Variants in PIK3AP1 observed in about 807,000 individuals in gnomAD.
PIK3AP1 encodes phosphoinositide 3-kinase adapter protein 1.
In PIK3AP1, 21 loss-of-function variants were observed where a neutral mutation model predicts 88.1. That is an observed-to-expected ratio of 0.24 (90% CI 0.17 to 0.34). The LOEUF is 0.34. PIK3AP1 is among the 10% of genes least tolerant of loss of function. The pLI is 1.00. For synonymous variants in PIK3AP1, 398 were observed against 400.0 expected, an observed-to-expected ratio of 1.00 and a Z score of 0.06; for missense variants, 828 against 1,035.7, an observed-to-expected ratio of 0.80 and a Z score of 2.75.
intron 13 of PIK3AP1, 96 bp from the exon 14 acceptor site, chr10:96,609,963 A>G: frequency 1.4e-6 from 2 of 1,443,842 alleles, no homozygotes; most frequent in Non-Finnish European, 9.6e-7. Context: ...CTCTCACAGG[A>G]GCCTGCATGG....
chr10:96,678,824 T>C (rs1843960362), intron 2 of PIK3AP1, among the ~76,000 whole-genome samples: 1 of 152,194 alleles, frequency 6.6e-6, no homozygotes. Flanking sequence ...AGTCACAATA[T>C]AGTTTATTTC....
intron 2 of PIK3AP1, among the ~76,000 whole-genome samples, chr10:96,684,317 T>C (rs1290156854): frequency 6.6e-6 from 1 of 152,200 alleles, no homozygotes; most frequent in Non-Finnish European, 1.5e-5. Flanking sequence ...TTAAGTGTGA[T>C]AATATATACA....
chr10:96,709,452 T>C, intron 2 of PIK3AP1, 115 bp downstream of exon 2: 1 of 1,293,982 alleles, frequency 7.7e-7, no homozygotes, highest in Non-Finnish European at 1.1e-6. Flanking sequence ...CCCATAAATA[T>C]GACCAGGTCT....
intron 2 of PIK3AP1, among the ~76,000 whole-genome samples, chr10:96,687,465 T>A (rs1844089548): frequency 6.6e-6 from 1 of 152,200 alleles, no homozygotes; most frequent in South Asian, 2.1e-4. Context: ...CTGCAGTGAT[T>A]TTGGGTTGTG....
chr10:96,697,341 AACTTGAAGTGT>A (rs1208668693), intron 2 of PIK3AP1, among the ~76,000 whole-genome samples: 57 of 152,308 alleles, frequency 3.7e-4, no homozygotes, highest in African/African-American at 1.3e-3. Flanking sequence ...ACGCGAACTT[AACTTGAAGTGT>A]ACCCTACTTG....
intron 16 of PIK3AP1, among the ~76,000 whole-genome samples, chr10:96,597,655 G>A (rs990965616): frequency 8.5e-5 from 13 of 152,152 alleles, no homozygotes; most frequent in African/African-American, 3.1e-4. Flanking sequence ...GCCAAACAGA[G>A]GTACTGATCC....
intron 15 of PIK3AP1, 103 bp from the exon 16 acceptor site, chr10:96,602,501 G>A: frequency 1.0e-6 from 1 of 966,186 alleles, no homozygotes; most frequent in Admixed American, 2.2e-5. Flanking sequence ...TTAGGCTGGG[G>A]CTGAAGGTTG....
rs765121561 is a variant in PIK3AP1, at chr10:96,609,696, A to C, written c.2170+16T>G. The C allele has an allele frequency of 1.2e-6, 2 of 1,609,112 alleles. No individual in the cohort carries two copies. ...CCAGTCAAGAAGACCCCACCCCCGC[A>C]CCCCCAGCTGCTCACTTGCTGTGCT... is the stretch of plus-strand genomic sequence containing the variant. On this transcript the variant is annotated intron_variant, in intron 14 of 16. Transcript: ENST00000339364.
intron 2 of PIK3AP1, among the ~76,000 whole-genome samples, chr10:96,671,519 T>G (rs887095649): frequency 6.6e-6 from 1 of 151,534 alleles, no homozygotes; most frequent in Non-Finnish European, 1.5e-5. Context: ...ACAGTCATCA[T>G]ACTGATGGTA....
intron 8 of PIK3AP1, among the ~76,000 whole-genome samples, chr10:96,641,273 G>GT (rs1843385881): frequency 6.6e-6 from 1 of 151,974 alleles, no homozygotes; most frequent in Admixed American, 6.6e-5. Context: ...TCCAACTCAG[G>GT]TGGTTGCCTT....
At chr10:96,659,195 T>TA (rs1843653860) in intron 2 of PIK3AP1, among the ~76,000 whole-genome samples, 2 of 152,154 alleles carry the variant, frequency 1.3e-5, no homozygotes, top group Admixed American at 1.3e-4. Context: ...ACATACCATT[T>TA]AAAAAAATAT....
At chr10:96,717,085 C>T (rs1175745620) in intron 1 of PIK3AP1, among the ~76,000 whole-genome samples, 2 of 152,002 alleles carry the variant, frequency 1.3e-5, no homozygotes, top group African/African-American at 4.8e-5. Context: ...TGGTGAAACC[C>T]TGTCTCTACT....
intron 2 of PIK3AP1, among the ~76,000 whole-genome samples, chr10:96,705,398 C>T (rs969651274): frequency 1.3e-5 from 2 of 152,152 alleles, no homozygotes; most frequent in African/African-American, 4.8e-5. Context: ...TCTCTTACTC[C>T]TGGAGATGTG....
chr10:96,625,788 G>A (rs4919042), intron 10 of PIK3AP1, among the ~76,000 whole-genome samples: 134,650 of 152,124 alleles, frequency 0.89, 60,226 homozygotes, highest in East Asian at 1. Context: ...TTGCTCTGTC[G>A]CCCAAGCTGG....
At chr10:96,621,314 C>G (rs2134202269) in intron 11 of PIK3AP1, 1 of 153,344 alleles carries the variant, frequency 6.5e-6, no homozygotes, top group Non-Finnish European at 1.5e-5. Flanking sequence ...GCTTAATACC[C>G]AGACAACATG....
At chr10:96,631,370 T>A (rs1371603944) in intron 8 of PIK3AP1, among the ~76,000 whole-genome samples, 3 of 152,066 alleles carry the variant, frequency 2.0e-5, no homozygotes, top group African/African-American at 7.2e-5. Context: ...CTAACAACGT[T>A]CAATTTGAGA....
chr10:96,616,741 T>G, intron 12 of PIK3AP1, 30 bp from the exon 13 acceptor site: 2 of 1,592,938 alleles, frequency 1.3e-6, no homozygotes, highest in Non-Finnish European at 1.7e-6. Flanking sequence ...ATTTTTTAAG[T>G]GTACAACAGG....
At chr10:96,713,797 C>G (rs1844468657) in intron 1 of PIK3AP1, among the ~76,000 whole-genome samples, 1 of 152,070 alleles carries the variant, frequency 6.6e-6, no homozygotes. Context: ...TACTCATTTC[C>G]CCCTGGATCC....
chr10:96,641,127 G>GTGTGTGTGCGCGCA (rs1843383472), intron 8 of PIK3AP1, among the ~76,000 whole-genome samples: 1 of 147,554 alleles, frequency 6.8e-6, no homozygotes, highest in Non-Finnish European at 1.5e-5. Context: ...GTGTGTGTGC[G>GTGTGTGTGCGCGCA]TGTGCATGTA....
Sources: allele counts gnomAD v4.1 joint callset (sites outside exome capture counted in the v4.1 genomes callset), GRCh38; gene constraint gnomAD v4.1.1; transcripts MANE v1.5; gene names NCBI Gene and HGNC (gene_info 2026-07-23, HGNC 2026-07-21).